ANXA4: variants seen among roughly 807,000 people sequenced by gnomAD.
ANXA4 encodes 35-beta calcimedin.
ANXA4 carries 39 observed loss-of-function variants against 49.8 expected under a neutral mutation model. The ratio of observed to expected loss-of-function variants is 0.78; its 90% CI spans 0.61 to 1.02. ANXA4 has a LOEUF of 1.02. Ranked by LOEUF, ANXA4 falls within the 50% of genes least tolerant of loss-of-function variation. The pLI is 0.00. For synonymous variants in ANXA4, 134 were observed against 152.5 expected (o/e 0.88, Z 0.89); for missense variants, 360 against 410.1 (o/e 0.88, Z 1.05).
In ANXA4 at chr2:69,804,625, A is replaced by G. The variant is rs1412136324; in HGVS notation, c.190A>G (p.Arg64Gly). 6.2e-7 allele frequency: 1 copy of G among 1,611,680 alleles called. No individual in the cohort carries two copies. Among genetic ancestry groups the G allele is most frequent in the Non-Finnish European group, 8.5e-7 (1 of 1,178,828 alleles). Residue 64 changes from arginine to glycine, a missense_variant and splice_region_variant, in exon 4 of 13, where the codon AGG becomes GGG. Transcript: ENST00000394295. The stretch of plus-strand genomic sequence containing the variant: ...GACAGCCTACAAGAGCACCATCGGC[A>G]GGGTAGGCCACAGTCTTTCCTGCTC... ...IRTAYKSTIG[R>G]DLIDDLKSEL...
At chr2:69,778,565 C>T (rs192929617) in intron 1 of ANXA4, among the ~76,000 whole-genome samples, 13 of 152,056 alleles carry the variant, frequency 8.5e-5, no homozygotes, top group African/African-American at 1.2e-4. Context: ...CACCTGACGT[C>T]GGGAGTTCGA....
chr2:69,806,989 TAAAGTA>T (rs1673468020), intron 5 of ANXA4, among the ~76,000 whole-genome samples: 1 of 152,102 alleles, frequency 6.6e-6, no homozygotes, highest in Non-Finnish European at 1.5e-5. Flanking sequence ...CCCCTGCACT[TAAAGTA>T]AAAGTTAAAT....
intron 2 of ANXA4, among the ~76,000 whole-genome samples, chr2:69,787,464 G>T (rs1672465431): frequency 6.6e-6 from 1 of 152,220 alleles, no homozygotes; most frequent in African/African-American, 2.4e-5. Context: ...ACCCTTTGGT[G>T]TGGTTTAACA....
In ANXA4 at chr2:69,742,419, C is replaced by T. The variant is rs540430759; in HGVS notation, c.-47+244C>T. The stretch of plus-strand genomic sequence containing the variant: ...AACCGCTGGCACCATCCAGGACATC[C>T]AGGGCCGCTTACACGGCTCAGGACG... On this transcript the variant is annotated intron_variant, in intron 1 of 12. Coordinates refer to ENST00000394295, the MANE Select transcript of ANXA4 (RefSeq NM_001153.5). Among the ~76,000 whole-genome samples, 16 of 152,344 alleles carry T rather than the reference C, an allele frequency of 1.1e-4. No individual in the cohort carries two copies. The South Asian group carries it at 3.3e-3, about 32-fold the overall frequency.
At chr2:69,661,312 A>C (rs1192954954) in intron 2 of ANXA4, among the ~76,000 whole-genome samples, 2 of 152,118 alleles carry the variant, frequency 1.3e-5, no homozygotes, top group Non-Finnish European at 2.9e-5. Flanking sequence ...AAGAAAATCA[A>C]ACTCAGGAAG....
chr2:69,778,756 CGA>C (rs1559180860), intron 1 of ANXA4, among the ~76,000 whole-genome samples: 1 of 109,612 alleles, frequency 9.1e-6, no homozygotes, highest in African/African-American at 3.8e-5. Flanking sequence ...GCCTGGGCAA[CGA>C]GAGTGAAACT....
intron 2 of ANXA4, among the ~76,000 whole-genome samples, chr2:69,692,319 A>G (rs1041364944): frequency 6.6e-6 from 1 of 152,242 alleles, no homozygotes; most frequent in Admixed American, 6.5e-5. Context: ...CATGACATTT[A>G]TAAAGTCAAG....
chr2:69,699,252 A>G (rs995690496), intron 2 of ANXA4, among the ~76,000 whole-genome samples: 1 of 152,236 alleles, frequency 6.6e-6, no homozygotes, highest in African/African-American at 2.4e-5. Flanking sequence ...CCCACCTTCC[A>G]GGGCTCTTTT....
intron 3 of ANXA4, among the ~76,000 whole-genome samples, chr2:69,793,196 G>A (rs1025512330): frequency 1.4e-5 from 2 of 144,878 alleles, no homozygotes; most frequent in Non-Finnish European, 3.0e-5. Flanking sequence ...AGGTTGCAGT[G>A]GGCCAAGATC....
intron 2 of ANXA4, among the ~76,000 whole-genome samples, chr2:69,686,198 T>G (rs1388543508): frequency 1.3e-5 from 2 of 152,134 alleles, no homozygotes; most frequent in Non-Finnish European, 2.9e-5. Context: ...TTTTGTTTTG[T>G]TTTTGAGACA....
intron 2 of ANXA4, among the ~76,000 whole-genome samples, chr2:69,659,330 A>G (rs543741223): frequency 3.2e-4 from 49 of 152,352 alleles, no homozygotes; most frequent in African/African-American, 1.2e-3. Context: ...AGAATATGCT[A>G]TTTATTACTT....
chr2:69,806,760 A>G (rs1412351520), intron 5 of ANXA4, among the ~76,000 whole-genome samples: 1 of 152,184 alleles, frequency 6.6e-6, no homozygotes, highest in African/African-American at 2.4e-5. Context: ...CAAATACCAT[A>G]TGTTTTCACT....
chr2:69,764,892 A>C (rs931184170), intron 1 of ANXA4, among the ~76,000 whole-genome samples: 1 of 152,088 alleles, frequency 6.6e-6, no homozygotes, highest in Admixed American at 6.6e-5. Flanking sequence ...TTCTGTCTCT[A>C]TGAATTTGAC....
intron 2 of ANXA4, among the ~76,000 whole-genome samples, chr2:69,680,554 T>C (rs1341636187): frequency 1.3e-5 from 2 of 152,196 alleles, no homozygotes; most frequent in Admixed American, 1.3e-4. Context: ...ATAGGAGTGG[T>C]GCAAGTGGGC....
At chr2:69,740,123 A>G (rs75399899), upstream of ANXA4, among the ~76,000 whole-genome samples, 4,636 of 152,354 alleles carry the variant, frequency 0.03, 68 homozygotes, top group East Asian at 0.048. Context: ...GCACCCACCT[A>G]GTAAAGGTTA....
chr2:69,683,573 GTCT>G (rs1043513653), intron 2 of ANXA4, among the ~76,000 whole-genome samples: 3 of 152,134 alleles, frequency 2.0e-5, no homozygotes, highest in Non-Finnish European at 2.9e-5. Context: ...GATATGCGCT[GTCT>G]TCTTCTTCCT....
chr2:69,766,188 A>G (rs1357925119), intron 1 of ANXA4, among the ~76,000 whole-genome samples: 1 of 152,220 alleles, frequency 6.6e-6, no homozygotes, highest in Admixed American at 6.5e-5. Flanking sequence ...TCTATACGCC[A>G]CAGATGTTTT....
At chr2:69,708,261 G>A (rs969304377) in intron 2 of ANXA4, among the ~76,000 whole-genome samples, 11 of 152,126 alleles carry the variant, frequency 7.2e-5, no homozygotes, top group African/African-American at 2.7e-4. Context: ...TGATCAATAC[G>A]TGGCATCGAG....
At chr2:69,755,939 C>T (rs922852584) in intron 1 of ANXA4, among the ~76,000 whole-genome samples, 16 of 152,054 alleles carry the variant, frequency 1.1e-4, no homozygotes, top group Admixed American at 1.3e-4. Flanking sequence ...TCTATGCTCT[C>T]GAGGGTATTT....
Sources: gnomAD v4.1 joint callset for allele counts (sites outside exome capture counted in the v4.1 genomes callset) on GRCh38, gnomAD v4.1.1 for gene constraint, MANE v1.5 for transcripts, NCBI Gene and HGNC (gene_info 2026-07-23, HGNC 2026-07-21) for gene names.